The following NRK variants were observed in gnomAD, a reference collection of about 807,000 sequenced individuals.
NRK encodes Nik related kinase.
Under a neutral mutation model 125.2 loss-of-function variants are expected in NRK, and 67 were observed. That is an observed-to-expected ratio of 0.54 (90% confidence interval 0.44 to 0.66). The LOEUF is 0.66. Ranked by LOEUF, NRK falls within the 30% of genes least tolerant of loss-of-function variation. The pLI is 0.00. For missense variants in NRK, 1,224 were observed against 1,192.9 expected (o/e 1.03, Z -0.38); for synonymous variants, 458 against 429.0 (o/e 1.07, Z -0.84).
intron 5 of NRK, among the ~76,000 whole-genome samples, chrX:105,889,920 C>T (rs972858116): frequency 8.9e-6 from 1 of 111,916 alleles, no homozygotes; most frequent in Non-Finnish European, 1.9e-5. Context: ...GCTCTGGAGA[C>T]ATTTCCCCAT....
intron 19 of NRK, among the ~76,000 whole-genome samples, chrX:105,925,958 A>G (rs2040518557): frequency 1.8e-5 from 2 of 110,927 alleles, no homozygotes; most frequent in African/African-American, 6.5e-5. Flanking sequence ...TTTTTGAGAT[A>G]TGTACCTAGT....
At position 105,909,056 on chromosome X, in the gene NRK, G is replaced by A. The variant is rs756004510; in HGVS notation, c.1415G>A (p.Arg472Gln). 11 of 1,208,239 alleles carry A rather than the reference G, an allele frequency of 9.1e-6. No homozygotes were observed. Among genetic ancestry groups the A allele is most frequent in the Admixed American group, 4.4e-5 (2 of 45,635 alleles). The change falls in exon 13 of 29, where the codon CGG becomes CAG. Residue 472 changes from arginine to glutamine, a missense_variant. Arg to Gln is a conservative substitution (Grantham distance 43). Transcript: ENST00000243300. ...CAGATTAAGGCACCTCCACGACTAC[G>A]GAGGGCAGCCAGGGTGCTCATGCCA... ...QMQIKAPPRL[R>Q]RAARVLMPLQ... is the part of the protein sequence containing the mutation.
rs903010922 is a variant in NRK, at chrX:105,909,685, C to T, written c.2044C>T (p.Arg682Trp). 29 of 1,186,066 alleles carry T rather than the reference C, an allele frequency of 2.4e-5. No individual in the cohort carries two copies. The highest frequency in any genetic ancestry group is 1.2e-4 in the Admixed American group (5 of 42,140). ...GTTTTACTCACAACCAGAACAGGCA[C>T]GGGAGAAAAAATCAAAAGTTTCTAC... ...NRFYSQPEQA[R>W]EKKSKVSTLR... The change falls in exon 13 of 29, where the codon CGG becomes TGG. Residue 682 changes from arginine (R) to tryptophan (W), a missense_variant. By Grantham distance (101) the Arg-to-Trp change is moderately radical. Transcript: ENST00000243300.
chrX:105,918,917 A>G (rs1028798928), intron 16 of NRK, among the ~76,000 whole-genome samples: 7 of 107,536 alleles, frequency 6.5e-5, no homozygotes, highest in African/African-American at 2.4e-4. Flanking sequence ...ACCTTACTAT[A>G]AATTTGTCTC....
chrX:105,925,699 G>T (rs1262991248), intron 19 of NRK, among the ~76,000 whole-genome samples: 1 of 111,343 alleles, frequency 9.0e-6, no homozygotes, highest in Non-Finnish European at 1.9e-5. Context: ...AGAACATGTG[G>T]TTTTTATCTT....
chrX:105,850,295 C>T (rs936833892), intron 2 of NRK, among the ~76,000 whole-genome samples: 1 of 111,889 alleles, frequency 8.9e-6, no homozygotes, highest in Non-Finnish European at 1.9e-5. Flanking sequence ...CTCTAGGCTG[C>T]ACACAGCACA....
rs1340174484 is a variant in NRK at position 105,837,253 on chromosome X, G to A, written c.123+6134G>A. 3.6e-5 allele frequency among the ~76,000 whole-genome samples: 4 copies of A among 111,204 alleles called. 1 individual carries two copies. The highest frequency in any genetic ancestry group is 3.7e-4 in the South Asian group (1 of 2,684). On this transcript the variant is annotated intron_variant, in intron 2 of 28. Transcript: ENST00000243300. ...AAGTACAGAACATATATATCTGTAC[G>A]TATATTTAACATATTATATATATGT...
intron 10 of NRK, among the ~76,000 whole-genome samples, chrX:105,905,657 A>C (rs772194777): frequency 4.4e-5 from 5 of 112,568 alleles, no homozygotes; most frequent in Non-Finnish European, 9.4e-5. Context: ...TGTGTTGCTT[A>C]TATAGGCAGT....
chrX:105,902,262 C>A (rs2040168273), intron 9 of NRK, among the ~76,000 whole-genome samples: 1 of 111,389 alleles, frequency 9.0e-6, no homozygotes, highest in African/African-American at 3.3e-5. Flanking sequence ...TTGGAACTCA[C>A]AAAGGGAGAA....
chrX:105,822,580 C>G lies in NRK; in HGVS notation c.-266C>G, dbSNP rs1445037246. On this transcript the variant is annotated 5_prime_UTR_variant, in exon 1 of 29. Transcript: ENST00000243300. ...ACACGGAGCACCCTTCTAGCTTCTT[C>G]GTCTCCAGGACTGACGCTCAGGCTC... The G allele has an allele frequency of 4.9e-6, 2 of 407,439 alleles. No homozygotes were observed. Among genetic ancestry groups the G allele is most frequent in the African/African-American group, 5.1e-5 (2 of 39,132 alleles). 33.6% of individuals were successfully genotyped at this position (407,439 alleles called of 1,213,427 possible).
At chrX:105,898,855 T>C in intron 8 of NRK, 141 bp downstream of exon 8, 1 of 444,453 alleles carries the variant, frequency 2.2e-6, no homozygotes, top group Non-Finnish European at 3.6e-6. Flanking sequence ...TACAAGCCTC[T>C]ATTTCGGTAA....
rs1685837640 is a variant in NRK at position 105,894,036 on chromosome X, A to C, written c.489+94A>C. ...TATACCTGCTCACATCAGATAGTTT[A>C]GGTATTCCAAACATAACCTGTGCAT... On this transcript the variant is annotated intron_variant, in intron 6 of 28. Transcript: ENST00000243300. 4 of 464,258 alleles carry C rather than the reference A, an allele frequency of 8.6e-6. No individual in the cohort carries two copies. In the South Asian group the frequency reaches 2.4e-4, roughly 28 times the overall value. 38.3% of individuals were successfully genotyped at this position (464,258 alleles called of 1,213,427 possible).
At chrX:105,855,805 T>C (rs1420722640) in intron 2 of NRK, among the ~76,000 whole-genome samples, 2 of 111,806 alleles carry the variant, frequency 1.8e-5, no homozygotes, top group Admixed American at 9.5e-5. Flanking sequence ...CTAAAGTACC[T>C]TACATTAAGT....
intron 5 of NRK, among the ~76,000 whole-genome samples, chrX:105,892,582 G>A (rs1436354462): frequency 8.9e-6 from 1 of 111,804 alleles, no homozygotes; most frequent in African/African-American, 3.2e-5. Flanking sequence ...GTTTATGTTA[G>A]TTGAATGGCT....
chrX:105,866,749 T>C (rs1025622464), intron 2 of NRK, among the ~76,000 whole-genome samples: 8 of 112,217 alleles, frequency 7.1e-5, no homozygotes, highest in African/African-American at 2.3e-4. Context: ...AGGAAAATAG[T>C]TTTTGGGGCC....
rs2040261856 is a variant in NRK, at chrX:105,909,236, A to G, written c.1595A>G (p.Gln532Arg). 8.3e-7 allele frequency: 1 copy of G among 1,207,991 alleles called. No homozygotes were observed. Among genetic ancestry groups the G allele is most frequent in the African/African-American group, 1.8e-5 (1 of 56,931 alleles). Residue 532 changes from glutamine (Q) to arginine (R), a missense_variant, in exon 13 of 29, where the codon CAG becomes CGG. Gln to Arg is a conservative substitution (Grantham distance 43). Coordinates refer to ENST00000243300, the MANE Select transcript of NRK (RefSeq NM_198465.4). ...GATCAGGTACCCGAACAACAAAGGCAGGGCCAGGCCCCTGAACAACAGCAG... is the reference window on the plus strand; with the variant it reads ...GATCAGGTACCCGAACAACAAAGGCGGGGCCAGGCCCCTGAACAACAGCAG... ...GQDQVPEQQR[Q>R]GQAPEQQQRH...
chrX:105,835,929 A>G (rs1283582308), intron 2 of NRK, among the ~76,000 whole-genome samples: 2 of 111,741 alleles, frequency 1.8e-5, no homozygotes, highest in Non-Finnish European at 3.8e-5. Context: ...CTTGCAACCA[A>G]AATATCTCAT....
intron 16 of NRK, among the ~76,000 whole-genome samples, chrX:105,920,156 T>C (rs1429728717): frequency 2.9e-5 from 3 of 103,485 alleles, no homozygotes; most frequent in Non-Finnish European, 5.9e-5. Flanking sequence ...AGGGAATCCT[T>C]TCCCCATTGC....
intron 1 of NRK, among the ~76,000 whole-genome samples, chrX:105,826,374 A>C (rs2039110666): frequency 1.3e-5 from 1 of 78,782 alleles, no homozygotes; most frequent in Admixed American, 1.6e-4. Context: ...TATATTATAT[A>C]TATTATCATA....
Sources: gnomAD v4.1 joint callset for allele counts (sites outside exome capture counted in the v4.1 genomes callset) on GRCh38, gnomAD v4.1.1 for gene constraint, MANE v1.5 for transcripts, NCBI Gene and HGNC (gene_info 2026-07-23, HGNC 2026-07-21) for gene names.